Variants in CACNA1H observed in about 807,000 individuals in gnomAD.
CACNA1H encodes the protein calcium voltage-gated channel subunit alpha1 H.
A neutral mutation model predicts 192.5 loss-of-function variants in CACNA1H; 149 were observed. The ratio of observed to expected loss-of-function variants is 0.77; its 90% CI spans 0.68 to 0.89. The LOEUF is 0.89. CACNA1H is among the 40% of genes least tolerant of loss of function. The pLI, the probability that CACNA1H is intolerant of heterozygous loss-of-function variation, is 0.00. For synonymous variants in CACNA1H, 2,202 were observed against 1,475.2 expected, an observed-to-expected ratio of 1.49 and a Z score of -11.29; for missense variants, 4,257 against 3,423.5, an observed-to-expected ratio of 1.24 and a Z score of -6.08.
Position 1,212,254 on chromosome 16 carries a change from C to T in CACNA1H, c.4759+116C>T, listed in dbSNP as rs943459271. On this transcript the variant is annotated intron_variant, in intron 25 of 34. Coordinates refer to ENST00000348261, the MANE Select transcript of CACNA1H (RefSeq NM_021098.3). The stretch of plus-strand genomic sequence containing the variant: ...CCGAATGGCTCTGCACGCCACCCGC[C>T]TTGCCTGGGCCTGCATGGGGGCTGG... 1.5e-5 allele frequency: 21 copies of T among 1,407,650 alleles called. No homozygotes were observed. The East Asian group carries it at 5.2e-4, about 35-fold the overall frequency. The allele number at this position is 1,407,650 out of a possible 1,614,324, so 87.2% of individuals were successfully genotyped here. A position where few individuals can be genotyped will look rare whatever the true frequency, so the allele number is the denominator to read the frequency against.
In CACNA1H at chr16:1,205,202, G is replaced by C. The variant is rs202019417; in HGVS notation, c.2540G>C (p.Cys847Ser). The change falls in exon 11 of 35, where the codon TGC becomes TCC. Residue 847 changes from cysteine (C) to serine (S), a missense_variant. Cys to Ser is a moderately radical substitution (Grantham distance 112). Transcript: ENST00000348261. Reference sequence around the variant, plus strand: ...GAGATGCTGCTGAAGCTGCTGGCCTGCGGCCCTCTGGGCTACATCCGGAAC... The same window carrying C: ...GAGATGCTGCTGAAGCTGCTGGCCTCCGGCCCTCTGGGCTACATCCGGAAC... ...ALEMLLKLLACGPLGYIRNPY... is the reference protein window; with the variant it reads ...ALEMLLKLLASGPLGYIRNPY... 3.7e-6 allele frequency: 6 copies of C among 1,613,064 alleles called. No individual in the cohort carries two copies. The highest frequency in any genetic ancestry group is 5.1e-6 in the Non-Finnish European group (6 of 1,179,784).
chr16:1,217,962 C>T lies in CACNA1H; in HGVS notation c.5367C>T (p.Ala1789=), dbSNP rs868670809. ...CCTGCGAGGGCCTGAGCAGGCACGC[C>T]ACCTTCAGCAACTTCGGCATGGCCT... ...DNPCEGLSRH[A]TFSNFGMAFL... Residue 1789 remains alanine, a synonymous_variant, in exon 32 of 35, where the codon GCC becomes GCT. Coordinates refer to ENST00000348261, the MANE Select transcript of CACNA1H (RefSeq NM_021098.3). The T allele has an allele frequency of 3.7e-6, 6 of 1,605,586 alleles. No individual in the cohort carries two copies. In the Middle Eastern group the frequency reaches 6.6e-4, roughly 177 times the overall value.
chr16:1,201,252 C>G (rs532818446), intron 8 of CACNA1H, among the ~76,000 whole-genome samples: 1 of 152,132 alleles, frequency 6.6e-6, no homozygotes, highest in African/African-American at 2.4e-5. Context: ...ACAGACGTCC[C>G]CAGCTTGTTC....
rs59461207 is a variant in CACNA1H at position 1,201,760 on chromosome 16, G to A, written c.1310G>A (p.Arg437Gln). The A allele has an allele frequency of 2.8e-4, 453 of 1,607,818 alleles. No homozygotes were observed. Among genetic ancestry groups the A allele is most frequent in the Middle Eastern group, 5.1e-4 (3 of 5,900 alleles). Reference sequence around the variant, plus strand: ...GAGAGTCAGCTGATGCGGGAGCAGCGGGCACGCCACCTGTCCAACGACAGC... The same window carrying A: ...GAGAGTCAGCTGATGCGGGAGCAGCAGGCACGCCACCTGTCCAACGACAGC... ...QRESQLMREQRARHLSNDSTL... is the reference protein window; with the variant it reads ...QRESQLMREQQARHLSNDSTL... The change falls in exon 9 of 35, where the codon CGG (arginine) becomes CAG (glutamine). Residue 437 changes from arginine (R) to glutamine (Q), a missense_variant. Arg to Gln is a conservative substitution (Grantham distance 43). Transcript: ENST00000348261.
intron 2 of CACNA1H, among the ~76,000 whole-genome samples, chr16:1,175,534 C>T (rs567441519): frequency 1.4e-4 from 22 of 152,274 alleles, no homozygotes; most frequent in African/African-American, 2.6e-4. Flanking sequence ...TAAGCACCAC[C>T]CACTCTAGGT....
At chr16:1,219,210 C>T (rs1970284462) in intron 34 of CACNA1H, 80 bp downstream of exon 34, 1 of 1,355,682 alleles carries the variant, frequency 7.4e-7, no homozygotes, top group Non-Finnish European at 9.8e-7. Context: ...TCTGAAGGAC[C>T]AGCAGACGAG....
Position 1,206,958 on chromosome 16 carries a change from ACCCCTGCCTCCACCCTCAACACG to A in CACNA1H, c.2790-34_2790-12del, listed in dbSNP as rs1968800006. 2.2e-5 allele frequency: 12 copies of A among 557,476 alleles called. 1 individual carries two copies. In the South Asian group the frequency reaches 2.5e-4, roughly 12 times the overall value. The allele number at this position is 557,476 out of a possible 1,614,324, so 34.5% of individuals were successfully genotyped here. A position where few individuals can be genotyped will look rare whatever the true frequency, so the allele number is the denominator to read the frequency against. ...TCCCCCACCTTCTTCCGCTCAGCACACCCCTGCCTCCACCCTCAACACGCCCCTGCCCCCACCCTCAGCATCCT... is the reference window on the plus strand; with the variant it reads ...TCCCCCACCTTCTTCCGCTCAGCACACCCCTGCCCCCACCCTCAGCATCCT... On this transcript the variant is annotated intron_variant, in intron 12 of 34. Coordinates refer to ENST00000348261, the MANE Select transcript of CACNA1H (RefSeq NM_021098.3).
At chr16:1,219,957 C>G in intron 34 of CACNA1H, 24 bp from the exon 35 acceptor site, 2 of 1,279,686 alleles carry the variant, frequency 1.6e-6, no homozygotes, top group South Asian at 6.8e-5. Context: ...CCCCGCCCCT[C>G]ACTTTGACTC....
chr16:1,209,128 C>T lies in CACNA1H; in HGVS notation c.3460C>T (p.Leu1154Phe). 6.4e-7 allele frequency: 1 copy of T among 1,554,348 alleles called. No individual in the cohort carries two copies. The highest frequency in any genetic ancestry group is 8.7e-7 in the Non-Finnish European group (1 of 1,150,414). Reference sequence around the variant, plus strand: ...GAGCAGCCTGGGCCGTGCCCCCAGCCTCAAGCGCCGCGGCCAGTGTGGGGA... The same window carrying T: ...GAGCAGCCTGGGCCGTGCCCCCAGCTTCAAGCGCCGCGGCCAGTGTGGGGA... ...SWSSLGRAPS[L>F]KRRGQCGERE... Residue 1154 changes from leucine to phenylalanine, a missense_variant, in exon 17 of 35, where the codon CTC becomes TTC. By Grantham distance (22) the Leu-to-Phe change is conservative (BLOSUM62 0). Coordinates refer to ENST00000348261, the MANE Select transcript of CACNA1H (RefSeq NM_021098.3).
rs1421635380 is a variant in CACNA1H, at chr16:1,213,846, C to G, written c.4844C>G (p.Thr1615Ser). Residue 1615 changes from threonine (T) to serine (S), a missense_variant, in exon 27 of 35, where the codon ACC becomes AGC. By Grantham distance (58) the Thr-to-Ser change is moderately conservative. Coordinates refer to ENST00000348261, the MANE Select transcript of CACNA1H (RefSeq NM_021098.3). ...PTRRSIHSLC[T>S]SHYLDLFITF... ...CGCCGCTCCATTCACTCGCTGTGCACCAGCCACTATCTCGACCTCTTCATC... is the reference window on the plus strand; with the variant it reads ...CGCCGCTCCATTCACTCGCTGTGCAGCAGCCACTATCTCGACCTCTTCATC... 6.2e-7 allele frequency: 1 copy of G among 1,606,832 alleles called. No individual in the cohort carries two copies. The highest frequency in any genetic ancestry group is 8.5e-7 in the Non-Finnish European group (1 of 1,177,216).
In CACNA1H at chr16:1,207,827, G is replaced by A. The variant is rs757054908; in HGVS notation, c.3121G>A (p.Asp1041Asn). ...CAAGACGTCGGTCCACTTCGAGGAG[G>A]ACTTCCACAAGCTCAGAGAACTCCA... ...EDKTSVHFEE[D>N]FHKLRELQTT... The change falls in exon 15 of 35, where the codon GAC becomes AAC. Residue 1041 changes from aspartate (D) to asparagine (N), a missense_variant. By Grantham distance (23) the Asp-to-Asn change is conservative (BLOSUM62 1). Transcript: ENST00000348261. 1.9e-6 allele frequency: 3 copies of A among 1,600,962 alleles called. No homozygotes were observed. In the South Asian group the frequency reaches 3.4e-5, roughly 18 times the overall value.
chr16:1,218,210 G>A lies in CACNA1H; in HGVS notation c.5446G>A (p.Asp1816Asn). The change falls in exon 33 of 35, where the codon GAC becomes AAC. Residue 1816 changes from aspartate to asparagine, a missense_variant and splice_region_variant. Asp to Asn is a conservative substitution (Grantham distance 23). Coordinates refer to ENST00000348261, the MANE Select transcript of CACNA1H (RefSeq NM_021098.3). ...GGCCCACAGCTGTCCCCCACCGCAG[G>A]ACACGCTGCGCGAGTGCTCCCGTGA... is the stretch of plus-strand genomic sequence containing the variant. ...TGDNWNGIMK[D>N]TLRECSREDK... 6.5e-7 allele frequency: 1 copy of A among 1,548,468 alleles called. No individual in the cohort carries two copies. Among genetic ancestry groups the A allele is most frequent in the Non-Finnish European group, 8.7e-7 (1 of 1,145,920 alleles).
Position 1,202,035 on chromosome 16 carries a change from T to C in CACNA1H, c.1585T>C (p.Tyr529His), listed in dbSNP as rs1230959391. 3.3e-6 allele frequency: 5 copies of C among 1,537,302 alleles called. No homozygotes were observed. Among genetic ancestry groups the C allele is most frequent in the Admixed American group, 3.9e-5 (2 of 50,810 alleles). Residue 529 changes from tyrosine to histidine, a missense_variant, in exon 9 of 35, where the codon TAC (tyrosine) becomes CAC (histidine). Transcript: ENST00000348261. Reference sequence around the variant, plus strand: ...CCACCATCACCACCACCACCACCACTACCATTTCAGCCATGGCAGCCCCCG... The same window carrying C: ...CCACCATCACCACCACCACCACCACCACCATTTCAGCCATGGCAGCCCCCG... ...YHHHHHHHHH[Y>H]HFSHGSPRRP... is the part of the protein sequence containing the mutation.
chr16:1,202,620 C>T (rs886607644), intron 9 of CACNA1H, among the ~76,000 whole-genome samples, 168 bp downstream of exon 9: 54 of 152,122 alleles, frequency 3.5e-4, no homozygotes, highest in Admixed American at 1.2e-3. Context: ...GGGAAAGAGG[C>T]AGGTCCCGCC....
intron 5 of CACNA1H, among the ~76,000 whole-genome samples, chr16:1,198,193 G>A (rs1178319397): frequency 6.6e-6 from 1 of 152,114 alleles, no homozygotes; most frequent in East Asian, 1.9e-4. Flanking sequence ...GACAAGCCTC[G>A]AGGGCCACTG....
chr16:1,217,782 C>A, intron 31 of CACNA1H, 137 bp from the exon 32 acceptor site: 2 of 1,212,766 alleles, frequency 1.6e-6, no homozygotes, highest in Non-Finnish European at 2.2e-6. Flanking sequence ...GCAGGGCGAA[C>A]CGCCAGGGCC....
At chr16:1,214,289 C>CTCCTT (rs1226430397) in intron 27 of CACNA1H, among the ~76,000 whole-genome samples, 2 of 152,236 alleles carry the variant, frequency 1.3e-5, no homozygotes, top group Non-Finnish European at 2.9e-5. Flanking sequence ...CCTGCATCCT[C>CTCCTT]TCCTTTCCTC....
At chr16:1,153,585 G>A in intron 1 of CACNA1H, 115 bp downstream of exon 1, 1 of 429,644 alleles carries the variant, frequency 2.3e-6, no homozygotes, top group Non-Finnish European at 3.6e-6. Flanking sequence ...GCGGGCGGGG[G>A]CGGGGGGCGC....
chr16:1,169,708 C>T (rs1056533015), intron 2 of CACNA1H, among the ~76,000 whole-genome samples: 1 of 152,256 alleles, frequency 6.6e-6, no homozygotes, highest in East Asian at 1.9e-4. Flanking sequence ...GCTGACACCA[C>T]TGTGGCTGTG....
Sources: gnomAD v4.1 joint callset for allele counts (sites outside exome capture counted in the v4.1 genomes callset) on GRCh38, gnomAD v4.1.1 for gene constraint, MANE v1.5 for transcripts, NCBI Gene and HGNC (gene_info 2026-07-23, HGNC 2026-07-21) for gene names.